The following SLC24A3 variants were observed in gnomAD, a reference collection of about 807,000 sequenced individuals.
SLC24A3 encodes sodium/potassium/calcium exchanger 3.
A neutral mutation model predicts 75.8 loss-of-function variants in SLC24A3; 28 were observed. That is an observed-to-expected ratio of 0.37 (90% confidence interval 0.27 to 0.51). The LOEUF (loss-of-function observed/expected upper bound fraction) is 0.51. Among genes scored for constraint, SLC24A3 ranks in the 20% least tolerant of loss-of-function variants. The probability of loss-of-function intolerance (pLI) is 0.94; values close to 1 mark genes in which losing one functional copy is unlikely to be tolerated. For missense variants in SLC24A3, 663 were observed against 847.8 expected, an observed-to-expected ratio of 0.78 and a Z score of 2.71; for synonymous variants, 372 against 334.1, an observed-to-expected ratio of 1.11 and a Z score of -1.24.
At chr20:19,663,108 C>T (rs570687219) in intron 7 of SLC24A3, among the ~76,000 whole-genome samples, 1 of 152,074 alleles carries the variant, frequency 6.6e-6, no homozygotes, top group Admixed American at 6.5e-5. Context: ...TTGCTGTCTC[C>T]CCAAGGCTGG....
intron 2 of SLC24A3, among the ~76,000 whole-genome samples, chr20:19,377,942 A>T (rs1259943175): frequency 6.6e-6 from 1 of 152,218 alleles, no homozygotes; most frequent in African/African-American, 2.4e-5. Flanking sequence ...CCAGTCATTT[A>T]TGTGTCTTCT....
At chr20:19,435,730 C>A (rs527339565) in intron 2 of SLC24A3, among the ~76,000 whole-genome samples, 1 of 152,314 alleles carries the variant, frequency 6.6e-6, no homozygotes, top group Non-Finnish European at 1.5e-5. Context: ...TAGTGAGAGT[C>A]TGTGATAGCT....
intron 2 of SLC24A3, among the ~76,000 whole-genome samples, chr20:19,488,505 A>T (rs1988160471): frequency 6.6e-6 from 1 of 152,190 alleles, no homozygotes; most frequent in African/African-American, 2.4e-5. Context: ...GCCCAGCTCC[A>T]TCCAGCCTAA....
chr20:19,630,517 G>A (rs986558880), intron 6 of SLC24A3, among the ~76,000 whole-genome samples: 5 of 152,132 alleles, frequency 3.3e-5, no homozygotes, highest in African/African-American at 1.2e-4. Flanking sequence ...TTAGGATCAA[G>A]GAGACCATTT....
At chr20:19,665,751 C>G in intron 7 of SLC24A3, 113 bp from the exon 8 acceptor site, 2 of 1,353,304 alleles carry the variant, frequency 1.5e-6, no homozygotes, top group Non-Finnish European at 9.9e-7. Flanking sequence ...CCTGATTACA[C>G]CATCCCAGGA....
intron 2 of SLC24A3, among the ~76,000 whole-genome samples, chr20:19,493,817 C>A (rs2122533445): frequency 6.6e-6 from 1 of 152,310 alleles, no homozygotes; most frequent in East Asian, 1.9e-4. Flanking sequence ...CCTCCACACT[C>A]CAGAAACACT....
intron 2 of SLC24A3, among the ~76,000 whole-genome samples, chr20:19,513,062 A>G (rs985166217): frequency 1.3e-5 from 2 of 152,174 alleles, no homozygotes; most frequent in African/African-American, 2.4e-5. Context: ...CAACCCTAGG[A>G]CTGGCCAGTG....
intron 1 of SLC24A3, among the ~76,000 whole-genome samples, chr20:19,249,056 A>G (rs143932682): frequency 7.2e-5 from 11 of 152,080 alleles, no homozygotes; most frequent in Non-Finnish European, 1.5e-4. Flanking sequence ...AATGATAAGT[A>G]TTTGAGATAA....
intron 6 of SLC24A3, among the ~76,000 whole-genome samples, chr20:19,642,075 GA>G (rs58557741): frequency 6.6e-6 from 1 of 151,756 alleles, no homozygotes; most frequent in Non-Finnish European, 1.5e-5. Context: ...AAGTTTGTAA[GA>G]AAAAAAAGGC....
chr20:19,461,897 T>C (rs1987683033), intron 2 of SLC24A3, among the ~76,000 whole-genome samples: 1 of 152,180 alleles, frequency 6.6e-6, no homozygotes, highest in African/African-American at 2.4e-5. Flanking sequence ...AGTATAAGCA[T>C]TTTCCCCATT....
At chr20:19,471,417 TTC>T (rs1233072627) in intron 2 of SLC24A3, among the ~76,000 whole-genome samples, 2 of 152,200 alleles carry the variant, frequency 1.3e-5, no homozygotes, top group African/African-American at 4.8e-5. Flanking sequence ...GCTAATGCAT[TTC>T]TCTTTTTGCA....
At chr20:19,495,184 GA>G (rs1988265753) in intron 2 of SLC24A3, among the ~76,000 whole-genome samples, 1 of 152,184 alleles carries the variant, frequency 6.6e-6, no homozygotes, top group Admixed American at 6.5e-5. Context: ...CAACTCTGGA[GA>G]ACTTACTCTT....
chr20:19,575,822 GC>G (rs1185013446), intron 3 of SLC24A3, among the ~76,000 whole-genome samples: 1 of 152,212 alleles, frequency 6.6e-6, no homozygotes, highest in Non-Finnish European at 1.5e-5. Flanking sequence ...GCTCTGACAG[GC>G]AGCCCCAAAA....
intron 6 of SLC24A3, among the ~76,000 whole-genome samples, chr20:19,588,603 A>T (rs1964920984): frequency 1.3e-5 from 2 of 152,244 alleles, no homozygotes; most frequent in Non-Finnish European, 2.9e-5. Flanking sequence ...TGGCTTATAG[A>T]GAGGTTCTTG....
chr20:19,264,586 G>T (rs934126408), intron 1 of SLC24A3, among the ~76,000 whole-genome samples: 1 of 152,094 alleles, frequency 6.6e-6, no homozygotes, highest in East Asian at 1.9e-4. Context: ...AAAATTAGCT[G>T]GGCATGGTGG....
At chr20:19,452,219 G>A (rs1987495118) in intron 2 of SLC24A3, among the ~76,000 whole-genome samples, 1 of 152,150 alleles carries the variant, frequency 6.6e-6, no homozygotes, top group South Asian at 2.1e-4. Flanking sequence ...TAAAGAACAG[G>A]GCTAGAATTT....
chr20:19,238,984 A>G (rs1431022174), intron 1 of SLC24A3, among the ~76,000 whole-genome samples: 1 of 151,392 alleles, frequency 6.6e-6, no homozygotes. Context: ...ACACACACAC[A>G]CACACCTGCC....
chr20:19,705,605 G>A (rs1160464827), intron 15 of SLC24A3, among the ~76,000 whole-genome samples: 2 of 152,084 alleles, frequency 1.3e-5, no homozygotes, highest in East Asian at 1.9e-4. Context: ...GGTAGTGACC[G>A]CATGACATCT....
chr20:19,675,185 C>T (rs2032509350), intron 9 of SLC24A3, among the ~76,000 whole-genome samples: 1 of 152,184 alleles, frequency 6.6e-6, no homozygotes, highest in South Asian at 2.1e-4. Context: ...ATAAAGAATG[C>T]AGAGATGTTC....
Sources: gnomAD v4.1 joint callset for allele counts (sites outside exome capture counted in the v4.1 genomes callset) on GRCh38, gnomAD v4.1.1 for gene constraint, MANE v1.5 for transcripts, NCBI Gene and HGNC (gene_info 2026-07-23, HGNC 2026-07-21) for gene names.